Variants in OTUD7B observed in about 807,000 individuals in gnomAD.
OTUD7B encodes OTU domain-containing protein 7B.
In OTUD7B, 34 loss-of-function variants were observed where a neutral mutation model predicts 82.2. The observed-to-expected ratio is 0.41, with a 90% CI of 0.31 to 0.55. OTUD7B has a LOEUF of 0.55. OTUD7B is among the 20% of genes least tolerant of loss of function. The probability of loss-of-function intolerance (pLI) is 0.20; values close to 1 mark genes in which losing one functional copy is unlikely to be tolerated. For synonymous variants in OTUD7B, 398 were observed against 402.7 expected (o/e 0.99, Z 0.14); for missense variants, 944 against 1,062.1 (o/e 0.89, Z 1.55).
chr1:149,944,538 C>A lies in OTUD7B; in HGVS notation c.1851G>T (p.Met617Ile). ...GKFIFVGTLKMGHRHQYQEEM... is the reference protein window; with the variant it reads ...GKFIFVGTLKIGHRHQYQEEM... ...CCTCCTGATACTGGTGACGGTGACC[C>A]ATCTTCAGGGTTCCAACAAAAATAA... Residue 617 changes from methionine to isoleucine, a missense_variant, in exon 12 of 12, where the codon ATG becomes ATT. This residue lies in a region of OTUD7B where 412 missense variants were observed against 418.7 expected (regional missense o/e 0.98). Coordinates refer to ENST00000581312, the MANE Select transcript of OTUD7B (RefSeq NM_020205.4). 6.2e-7 allele frequency: 1 copy of A among 1,614,092 alleles called. No homozygotes were observed. Among genetic ancestry groups the A allele is most frequent in the South Asian group, 1.1e-5 (1 of 91,068 alleles).
At chr1:150,049,546 C>G in the OTUD7B span, among the ~76,000 whole-genome samples, 2 of 151,796 alleles carry the variant, frequency 1.3e-5, no homozygotes, top group Admixed American at 1.3e-4. Flanking sequence ...TTCACATCCC[C>G]AAGTTCAAAT....
At chr1:149,972,844 A>C (rs1650029106) in intron 2 of OTUD7B, among the ~76,000 whole-genome samples, 1 of 152,164 alleles carries the variant, frequency 6.6e-6, no homozygotes, top group South Asian at 2.1e-4. Context: ...ATCTCCTTAA[A>C]ATCAGGTCTT....
chr1:150,011,034 G>A (rs1653016364), upstream of OTUD7B, among the ~76,000 whole-genome samples: 1 of 152,166 alleles, frequency 6.6e-6, no homozygotes, highest in Admixed American at 6.5e-5. Context: ...TGAAAGGGGT[G>A]GAGTAGTTGT....
At position 149,948,976 on chromosome 1, in the gene OTUD7B, A is replaced by G. The variant is rs1647975913; in HGVS notation, c.1231T>C (p.Leu411=). ...WGKDDSDNVR[L]ASVILSLEVK... Reference sequence around the variant, plus strand: ...AGACTAGGCCTGGCTTACCTGGCCAATCGGACATTGTCACTATCATCTTTG... The same window carrying G: ...AGACTAGGCCTGGCTTACCTGGCCAGTCGGACATTGTCACTATCATCTTTG... Residue 411 remains leucine, a synonymous_variant, in exon 10 of 12, where the codon TTG becomes CTG. Coordinates refer to ENST00000581312, the MANE Select transcript of OTUD7B (RefSeq NM_020205.4). 3 of 1,608,210 alleles carry G rather than the reference A, an allele frequency of 1.9e-6. No homozygotes were observed. Among genetic ancestry groups the G allele is most frequent in the Non-Finnish European group, 2.6e-6 (3 of 1,174,564 alleles).
chr1:150,007,475 CTT>C (rs1216167089), intron 1 of OTUD7B, among the ~76,000 whole-genome samples: 1 of 152,168 alleles, frequency 6.6e-6, no homozygotes, highest in Non-Finnish European at 1.5e-5. Context: ...GTTAAATTTG[CTT>C]TTGTCTATAT....
rs782601093 is a variant in OTUD7B, at chr1:149,944,545, A to G, written c.1844T>C (p.Leu615Pro). Reference protein sequence around the residue: ...GEGKFIFVGTLKMGHRHQYQE... With the variant: ...GEGKFIFVGTPKMGHRHQYQE... ...ATACTGGTGACGGTGACCCATCTTC[A>G]GGGTTCCAACAAAAATAAACTTCCC... is the stretch of plus-strand genomic sequence containing the variant. The change falls in exon 12 of 12, where the codon CTG becomes CCG. Residue 615 changes from leucine to proline, a missense_variant. This residue lies in a region of OTUD7B where 412 missense variants were observed against 418.7 expected (regional missense o/e 0.98). Transcript: ENST00000581312. 1.2e-5 allele frequency: 19 copies of G among 1,614,084 alleles called. No homozygotes were observed. The highest frequency in any genetic ancestry group is 1.5e-5 in the Non-Finnish European group (18 of 1,180,002).
chr1:150,036,552 T>A, the OTUD7B span, among the ~76,000 whole-genome samples: 1 of 152,108 alleles, frequency 6.6e-6, no homozygotes, highest in Admixed American at 6.6e-5. Context: ...GCCACCACAC[T>A]TGGCCCATTG....
intron 7 of OTUD7B, among the ~76,000 whole-genome samples, 187 bp downstream of exon 7, chr1:149,959,497 C>A (rs1393848895): frequency 6.6e-6 from 1 of 152,172 alleles, no homozygotes; most frequent in Non-Finnish European, 1.5e-5. Context: ...ACTTTATATT[C>A]CAGTTCAATA....
the OTUD7B span, among the ~76,000 whole-genome samples, chr1:150,047,464 C>T: frequency 0.032 from 4,796 of 152,104 alleles, 102 homozygotes; most frequent in Non-Finnish European, 0.048. Flanking sequence ...TCTGATTGTC[C>T]TCACTAGATT....
In OTUD7B at chr1:149,986,928, T is replaced by C. The variant is rs186377338; in HGVS notation, c.-66-9352A>G. Among the ~76,000 whole-genome samples the C allele has an allele frequency of 2.4e-3, 367 of 152,364 alleles. 1 individual carries two copies. The highest frequency in any genetic ancestry group is 0.01 in the Middle Eastern group (3 of 294). On this transcript the variant is annotated intron_variant, in intron 1 of 11. Transcript: ENST00000581312. ...TTACTATATTTTTTCTTTTTTCTTT[T>C]ATCTGTGGATCTAGTCCTGAATCCA...
intron 7 of OTUD7B, among the ~76,000 whole-genome samples, chr1:149,958,321 C>CTT (rs1648865639): frequency 1.6e-4 from 7 of 42,438 alleles, no homozygotes; most frequent in Admixed American, 3.6e-4. Context: ...TAAAGGACTA[C>CTT]CTTTTTTTTT....
chr1:149,954,164 T>C (rs782307055), intron 7 of OTUD7B, among the ~76,000 whole-genome samples: 4 of 152,214 alleles, frequency 2.6e-5, no homozygotes, highest in Non-Finnish European at 5.9e-5. Context: ...GCCCATTCAG[T>C]ATGATATTGG....
chr1:149,969,930 G>T (rs1649798072), intron 3 of OTUD7B, among the ~76,000 whole-genome samples: 1 of 152,044 alleles, frequency 6.6e-6, no homozygotes, highest in South Asian at 2.1e-4. Context: ...TCGAACTCCT[G>T]ACCTCAGGTG....
At position 149,967,345 on chromosome 1, in the gene OTUD7B, T is replaced by A; in HGVS notation, c.451A>T (p.Ile151Leu). The A allele has an allele frequency of 6.2e-7, 1 of 1,614,144 alleles. No individual in the cohort carries two copies. The highest frequency in any genetic ancestry group is 8.5e-7 in the Non-Finnish European group (1 of 1,180,000). The change falls in exon 4 of 12, where the codon ATA becomes TTA. Residue 151 changes from isoleucine to leucine, a missense_variant. Physicochemically the swap from Ile to Leu is conservative, Grantham distance 5 (BLOSUM62 2). Around this residue, in one of 3 missense-constraint regions of OTUD7B, gnomAD observed 530 missense variants for 625.6 expected, o/e 0.85. Transcript: ENST00000581312. Reference protein sequence around the residue: ...TVYNEDFRSFIERDLIEQSML... With the variant: ...TVYNEDFRSFLERDLIEQSML... Reference sequence around the variant, plus strand: ...GACTGCTCAATGAGGTCTCTCTCTATGAAGCTGCGGAAGTCTTCATTGTAT... The same window carrying A: ...GACTGCTCAATGAGGTCTCTCTCTAAGAAGCTGCGGAAGTCTTCATTGTAT...
the OTUD7B span, among the ~76,000 whole-genome samples, chr1:150,037,335 A>G: frequency 1.3e-5 from 2 of 151,798 alleles, no homozygotes; most frequent in Admixed American, 6.6e-5. Context: ...AAATACAAGC[A>G]TTTGCCTTGT....
chr1:150,005,095 C>T (rs1182931514), intron 1 of OTUD7B, among the ~76,000 whole-genome samples: 2 of 152,136 alleles, frequency 1.3e-5, no homozygotes, highest in Non-Finnish European at 2.9e-5. Context: ...GTACTCCTCT[C>T]CCCAAATACC....
At position 149,949,073 on chromosome 1, in the gene OTUD7B, T is replaced by G; in HGVS notation, c.1134A>C (p.Pro378=). The change falls in exon 10 of 12, where the codon CCA becomes CCC. Residue 378 remains proline (P), a synonymous_variant. Coordinates refer to ENST00000581312, the MANE Select transcript of OTUD7B (RefSeq NM_020205.4). ...GCAGCTTATACTCTGAATCTGTAAG[T>G]GGGATCACAGCTGGAGAGGAAGAAA... ...KENTKEQAVI[P]LTDSEYKLLP... 6.2e-7 allele frequency: 1 copy of G among 1,606,304 alleles called. No homozygotes were observed.
intron 10 of OTUD7B, 121 bp from the exon 11 acceptor site, chr1:149,947,456 A>T (rs1164742160): frequency 3.4e-6 from 2 of 583,692 alleles, no homozygotes; most frequent in Non-Finnish European, 6.5e-6. Flanking sequence ...TTGGGTTTGA[A>T]CTATTTCTCC....
chr1:150,019,945 T>C, the OTUD7B span, among the ~76,000 whole-genome samples: 4,308 of 151,816 alleles, frequency 0.028, 215 homozygotes, highest in African/African-American at 0.1. Context: ...AAGACCAACC[T>C]GGGCAATGTA....
Sources: allele counts gnomAD v4.1 joint callset (sites outside exome capture counted in the v4.1 genomes callset), GRCh38; gene constraint gnomAD v4.1.1; regional missense constraint gnomAD v4.1.1; transcripts MANE v1.5; gene names NCBI Gene and HGNC (gene_info 2026-07-23, HGNC 2026-07-21).